CIB3: variants seen among roughly 807,000 people sequenced by gnomAD.
CIB3 encodes the protein calcium and integrin binding family member 3, also known as calcium and integrin-binding family member 3.
In CIB3, 22 loss-of-function variants were observed where a neutral mutation model predicts 23.4. That is an observed-to-expected ratio of 0.94 (90% CI 0.67 to 1.34). The LOEUF (loss-of-function observed/expected upper bound fraction) is 1.34. Among genes scored for constraint, CIB3 ranks in the 40% most tolerant of loss-of-function variants. The probability of loss-of-function intolerance (pLI) is 0.00; values close to 1 mark genes in which losing one functional copy is unlikely to be tolerated. For synonymous variants in CIB3, 93 were observed against 95.8 expected, an observed-to-expected ratio of 0.97 and a Z score of 0.17; for missense variants, 258 against 247.3, an observed-to-expected ratio of 1.04 and a Z score of -0.29.
At chr19:16,169,508 C>A in intron 3 of CIB3, 122 bp downstream of exon 3, 2 of 880,556 alleles carry the variant, frequency 2.3e-6, no homozygotes, top group Non-Finnish European at 3.6e-6. Context: ...GTGTCTTAAC[C>A]TCTCTGAGTC....
intron 2 of CIB3, among the ~76,000 whole-genome samples, chr19:16,171,515 C>T (rs369400471): frequency 1.8e-4 from 28 of 152,122 alleles, no homozygotes; most frequent in African/African-American, 6.3e-4. Context: ...GTGGGGAGAC[C>T]TAGAACTTTC....
chr19:16,167,486 G>C (rs1478115365), intron 4 of CIB3, among the ~76,000 whole-genome samples: 2 of 152,074 alleles, frequency 1.3e-5, no homozygotes, highest in South Asian at 2.1e-4. Context: ...ATGGTGGGAT[G>C]GGGGGATGAA....
intron 5 of CIB3, among the ~76,000 whole-genome samples, chr19:16,162,285 G>C (rs568831411): frequency 6.3e-4 from 95 of 151,086 alleles, no homozygotes; most frequent in African/African-American, 2.2e-3. Flanking sequence ...TTAGCTAGGC[G>C]TGGTGGTGTG....
chr19:16,162,001 C>CA (rs1190929392), intron 5 of CIB3, among the ~76,000 whole-genome samples: 1 of 151,788 alleles, frequency 6.6e-6, no homozygotes, highest in Non-Finnish European at 1.5e-5. Context: ...TATAAAGTTT[C>CA]AAATAGCTAG....
intron 2 of CIB3, among the ~76,000 whole-genome samples, chr19:16,170,252 G>A (rs891696580): frequency 3.9e-5 from 6 of 152,140 alleles, no homozygotes; most frequent in African/African-American, 1.4e-4. Context: ...GTGCAGAGAG[G>A]GCCACAGGAC....
At chr19:16,169,242 C>T (rs1599436758) in intron 3 of CIB3, among the ~76,000 whole-genome samples, 1 of 152,284 alleles carries the variant, frequency 6.6e-6, no homozygotes, top group South Asian at 2.1e-4. Flanking sequence ...CTCCTGAGTT[C>T]AAGCAATTCT....
At chr19:16,170,225 C>T (rs952209858) in intron 2 of CIB3, among the ~76,000 whole-genome samples, 9 of 152,126 alleles carry the variant, frequency 5.9e-5, no homozygotes, top group African/African-American at 1.9e-4. Context: ...CCTAACCTCC[C>T]TGGGGGCAGG....
intron 4 of CIB3, 24 bp downstream of exon 4, chr19:16,168,113 C>G: frequency 6.3e-7 from 1 of 1,591,680 alleles, no homozygotes; most frequent in Non-Finnish European, 8.6e-7. Context: ...CCCATGCTTC[C>G]CAACCCCAGG....
At chr19:16,170,092 C>A (rs569144031) in intron 2 of CIB3, among the ~76,000 whole-genome samples, 4 of 152,162 alleles carry the variant, frequency 2.6e-5, no homozygotes, top group Non-Finnish European at 4.4e-5. Flanking sequence ...AGCCACCGCA[C>A]CTGGCCAAGT....
chr19:16,161,393 C>T lies in CIB3; in HGVS notation c.*72G>A, dbSNP rs2091284017. On this transcript the variant is annotated 3_prime_UTR_variant, in exon 6 of 6. Coordinates refer to ENST00000269878, the MANE Select transcript of CIB3 (RefSeq NM_054113.4). ...TGTGACTCAGTGACTTGTGTTTATT[C>T]TCAGAAACCAGAGTCCACAGCGGGT... 2.7e-6 allele frequency: 4 copies of T among 1,504,276 alleles called. No individual in the cohort carries two copies. Among genetic ancestry groups the T allele is most frequent in the Non-Finnish European group, 3.7e-6 (4 of 1,080,076 alleles). 93.2% of individuals were successfully genotyped at this position (1,504,276 alleles called of 1,614,324 possible). A position where few individuals can be genotyped will look rare whatever the true frequency, so the allele number is the denominator to read the frequency against.
chr19:16,170,010 G>T (rs1401378498), intron 2 of CIB3, among the ~76,000 whole-genome samples: 1 of 152,126 alleles, frequency 6.6e-6, no homozygotes, highest in Non-Finnish European at 1.5e-5. Flanking sequence ...TGTTGGTCAG[G>T]CTGGTCTCAA....
intron 4 of CIB3, among the ~76,000 whole-genome samples, chr19:16,167,554 G>C (rs963716750): frequency 6.6e-6 from 1 of 152,034 alleles, no homozygotes; most frequent in Non-Finnish European, 1.5e-5. Flanking sequence ...CAGGGGAGCT[G>C]GGTGCGGTGG....
chr19:16,166,009 G>A (rs557310537), intron 4 of CIB3, among the ~76,000 whole-genome samples: 12 of 152,036 alleles, frequency 7.9e-5, no homozygotes, highest in African/African-American at 2.7e-4. Context: ...AAACAGTTAT[G>A]GGCCCGGCGC....
chr19:16,168,978 A>G (rs2091317019), intron 3 of CIB3, among the ~76,000 whole-genome samples: 1 of 152,212 alleles, frequency 6.6e-6, no homozygotes, highest in Non-Finnish European at 1.5e-5. Flanking sequence ...GGCACAAACC[A>G]TGTGTCAAAC....
intron 2 of CIB3, among the ~76,000 whole-genome samples, chr19:16,172,382 T>G (rs2091332099): frequency 6.6e-6 from 1 of 152,116 alleles, no homozygotes; most frequent in African/African-American, 2.4e-5. Context: ...CTTAAACTCC[T>G]GACCTCAGGT....
chr19:16,173,135 C>A (rs752489302), intron 2 of CIB3, 27 bp downstream of exon 2: 5 of 1,612,094 alleles, frequency 3.1e-6, no homozygotes, highest in African/African-American at 1.3e-5. Context: ...TTTTCCAGAT[C>A]TTCTCTCCCT....
chr19:16,170,014 G>T (rs892097193), intron 2 of CIB3, among the ~76,000 whole-genome samples: 4 of 152,122 alleles, frequency 2.6e-5, no homozygotes, highest in Non-Finnish European at 5.9e-5. Flanking sequence ...GGTCAGGCTG[G>T]TCTCAAACTC....
At position 16,173,453 on chromosome 19, in the gene CIB3, A is replaced by G; in HGVS notation, c.23T>C (p.Phe8Ser). The G allele has an allele frequency of 6.2e-7, 1 of 1,614,048 alleles. No individual in the cohort carries two copies. The highest frequency in any genetic ancestry group is 1.1e-5 in the South Asian group (1 of 91,078). Residue 8 changes from phenylalanine to serine, a missense_variant, in exon 1 of 6, where the codon TTC becomes TCC. Phe to Ser is a radical substitution (Grantham distance 155). Coordinates refer to ENST00000269878, the MANE Select transcript of CIB3 (RefSeq NM_054113.4). ...ATACGCTTCCAGCTGCTCGTGTGTG[A>G]AGACTGTCTGCTTGTTGCCCATGGT... MGNKQTV[F>S]THEQLEAYQD...
intron 3 of CIB3, among the ~76,000 whole-genome samples, chr19:16,168,867 T>A (rs574368564): frequency 4.6e-5 from 7 of 152,338 alleles, no homozygotes; most frequent in Non-Finnish European, 7.3e-5. Flanking sequence ...CAATCCATTT[T>A]GATCCAAACC....
Sources: allele counts gnomAD v4.1 joint callset (sites outside exome capture counted in the v4.1 genomes callset), GRCh38; gene constraint gnomAD v4.1.1; transcripts MANE v1.5; gene names NCBI Gene and HGNC (gene_info 2026-07-23, HGNC 2026-07-21).